LRBA: variants seen among roughly 807,000 people sequenced by gnomAD.
LRBA encodes lipopolysaccharide-responsive and beige-like anchor protein.
Under a neutral mutation model 330.0 loss-of-function variants are expected in LRBA, and 176 were observed. That is an observed-to-expected ratio of 0.53 (90% CI 0.47 to 0.60). The LOEUF is 0.60. LRBA is among the 20% of genes least tolerant of loss of function. LRBA has a pLI of 0.00. For missense variants in LRBA, 3,259 were observed against 3,444.8 expected (o/e 0.95, Z 1.35); for synonymous variants, 1,230 against 1,193.0 (o/e 1.03, Z -0.64).
At chr4:150,713,309 C>A (rs72959860) in intron 36 of LRBA, among the ~76,000 whole-genome samples, 9,951 of 152,172 alleles carry the variant, frequency 0.065, 1,017 homozygotes, top group African/African-American at 0.22. Context: ...TAATCAATGA[C>A]ATCTCAGTTC....
chr4:150,666,744 C>G (rs1781596295), intron 37 of LRBA, among the ~76,000 whole-genome samples: 1 of 152,048 alleles, frequency 6.6e-6, no homozygotes. Flanking sequence ...GATTACATGT[C>G]AAACTGTACA....
At chr4:150,397,874 C>T (rs1744957105) in intron 47 of LRBA, among the ~76,000 whole-genome samples, 1 of 152,146 alleles carries the variant, frequency 6.6e-6, no homozygotes, top group Admixed American at 6.5e-5. Context: ...TGGCTTACAA[C>T]AATGTCTGGT....
At chr4:150,969,077 A>G (rs1243304062) in intron 2 of LRBA, among the ~76,000 whole-genome samples, 1 of 152,214 alleles carries the variant, frequency 6.6e-6, no homozygotes, top group Admixed American at 6.5e-5. Context: ...CTGCTCGGAA[A>G]AAAAGATTTC....
At chr4:150,945,608 A>G (rs1736153165) in intron 2 of LRBA, among the ~76,000 whole-genome samples, 1 of 152,176 alleles carries the variant, frequency 6.6e-6, no homozygotes, top group Non-Finnish European at 1.5e-5. Context: ...TGACATTCCT[A>G]AAGTGTAGGT....
intron 35 of LRBA, among the ~76,000 whole-genome samples, chr4:150,739,913 T>C (rs1001610895): frequency 6.6e-6 from 1 of 152,182 alleles, no homozygotes; most frequent in African/African-American, 2.4e-5. Flanking sequence ...GCACCTCAAT[T>C]GCAGCCTTGT....
chr4:150,566,273 C>T (rs1225357584), intron 40 of LRBA, among the ~76,000 whole-genome samples: 1 of 151,984 alleles, frequency 6.6e-6, no homozygotes, highest in African/African-American at 2.4e-5. Context: ...TAACCTTGTG[C>T]TTTTATCTTT....
At chr4:150,758,563 T>G (rs1424379700) in intron 35 of LRBA, among the ~76,000 whole-genome samples, 1 of 143,648 alleles carries the variant, frequency 7.0e-6, no homozygotes, top group Non-Finnish European at 1.5e-5. Flanking sequence ...CCCTAATTGA[T>G]CTCTTTGTCT....
chr4:150,509,304 T>C (rs1321743727), intron 40 of LRBA, among the ~76,000 whole-genome samples: 2 of 151,764 alleles, frequency 1.3e-5, no homozygotes, highest in African/African-American at 4.8e-5. Context: ...CTAAATAACC[T>C]ATGAGTAAGA....
At chr4:150,574,505 T>C (rs1411060878) in intron 40 of LRBA, among the ~76,000 whole-genome samples, 8 of 152,020 alleles carry the variant, frequency 5.3e-5, no homozygotes, top group South Asian at 2.1e-4. Context: ...TGGATAAAGA[T>C]AGTGACTTGA....
chr4:150,512,020 T>TA (rs1761884748), intron 40 of LRBA, among the ~76,000 whole-genome samples: 1 of 152,238 alleles, frequency 6.6e-6, no homozygotes, highest in Non-Finnish European at 1.5e-5. Context: ...AGTACTTATT[T>TA]TAGTAATTCC....
intron 53 of LRBA, among the ~76,000 whole-genome samples, chr4:150,301,531 ACAG>A (rs1729678978): frequency 6.6e-6 from 1 of 152,146 alleles, no homozygotes; most frequent in Non-Finnish European, 1.5e-5. Flanking sequence ...ATAATAAGAA[ACAG>A]CTTTGAAAAA....
intron 40 of LRBA, among the ~76,000 whole-genome samples, chr4:150,529,084 G>T (rs1763787063): frequency 6.6e-6 from 1 of 152,144 alleles, no homozygotes; most frequent in African/African-American, 2.4e-5. Flanking sequence ...GGGTTTAAAA[G>T]ATTTCCTCTT....
chr4:150,725,121 A>G (rs1289448410), intron 36 of LRBA, among the ~76,000 whole-genome samples: 2 of 151,958 alleles, frequency 1.3e-5, no homozygotes, highest in African/African-American at 4.8e-5. Context: ...AAACAGCTTC[A>G]AAGGGGCAAA....
chr4:150,817,591 A>T (rs1744790148), intron 30 of LRBA, among the ~76,000 whole-genome samples: 1 of 151,958 alleles, frequency 6.6e-6, no homozygotes, highest in African/African-American at 2.4e-5. Flanking sequence ...TTCCACAAGA[A>T]TTGTAAAGCA....
intron 22 of LRBA, among the ~76,000 whole-genome samples, chr4:150,862,361 G>T (rs1358561414): frequency 6.6e-6 from 1 of 152,282 alleles, no homozygotes; most frequent in Non-Finnish European, 1.5e-5. Context: ...AAAAAAGGAT[G>T]AGTTCATGTC....
intron 44 of LRBA, among the ~76,000 whole-genome samples, chr4:150,466,887 C>T (rs1162108311): frequency 6.6e-6 from 1 of 151,994 alleles, no homozygotes; most frequent in Non-Finnish European, 1.5e-5. Context: ...GAAATAATGA[C>T]AAATTCAGTA....
At chr4:150,277,617 C>T (rs903314269) in intron 56 of LRBA, among the ~76,000 whole-genome samples, 18 of 152,008 alleles carry the variant, frequency 1.2e-4, no homozygotes, top group African/African-American at 4.1e-4. Context: ...ACTCCATCAG[C>T]CCATTTAAAT....
chr4:150,374,117 C>T (rs774244333), intron 47 of LRBA, among the ~76,000 whole-genome samples: 1 of 152,184 alleles, frequency 6.6e-6, no homozygotes, highest in Non-Finnish European at 1.5e-5. Context: ...GATTTTACCA[C>T]AAACACTCCA....
chr4:150,686,576 C>A (rs969738202), intron 36 of LRBA, among the ~76,000 whole-genome samples: 1 of 152,088 alleles, frequency 6.6e-6, no homozygotes, highest in Non-Finnish European at 1.5e-5. Context: ...ATATCTAACC[C>A]AACCATACAC....
Sources: gnomAD v4.1 joint callset for allele counts (sites outside exome capture counted in the v4.1 genomes callset) on GRCh38, gnomAD v4.1.1 for gene constraint, MANE v1.5 for transcripts, NCBI Gene and HGNC (gene_info 2026-07-23, HGNC 2026-07-21) for gene names.